The following DYTN variants were observed in gnomAD, a reference collection of about 807,000 sequenced individuals.
DYTN encodes the protein dystrotelin.
A neutral mutation model predicts 69.6 loss-of-function variants in DYTN; 75 were observed. The ratio of observed to expected loss-of-function variants is 1.08; its 90% CI spans 0.89 to 1.31. DYTN has a LOEUF of 1.31. DYTN is among the 50% of genes most tolerant of loss of function. DYTN has a pLI of 0.00. For synonymous variants in DYTN, 252 were observed against 249.1 expected (o/e 1.01, Z -0.11); for missense variants, 726 against 688.4 (o/e 1.05, Z -0.61).
At chr2:206,659,898 A>C (rs2105887198) in intron 11 of DYTN, among the ~76,000 whole-genome samples, 1 of 152,302 alleles carries the variant, frequency 6.6e-6, no homozygotes, top group South Asian at 2.1e-4. Flanking sequence ...AATAAGACTA[A>C]TATAAAAGAA....
chr2:206,684,498 T>A (rs756797989), intron 9 of DYTN, among the ~76,000 whole-genome samples: 15 of 152,014 alleles, frequency 9.9e-5, no homozygotes, highest in Non-Finnish European at 1.8e-4. Context: ...AGAGATGGGG[T>A]CTCCCTATGT....
chr2:206,701,535 C>T (rs555083712), intron 5 of DYTN, among the ~76,000 whole-genome samples: 1 of 152,216 alleles, frequency 6.6e-6, no homozygotes, highest in South Asian at 2.1e-4. Flanking sequence ...ATAAGCCAGG[C>T]ACAGAAAGAC....
chr2:206,706,777 G>C (rs74831804), intron 3 of DYTN, among the ~76,000 whole-genome samples: 1 of 151,620 alleles, frequency 6.6e-6, no homozygotes, highest in Non-Finnish European at 1.5e-5. Context: ...AAAAACACAC[G>C]CACCCCTACC....
chr2:206,707,980 C>T (rs1256308818), intron 2 of DYTN, among the ~76,000 whole-genome samples: 1 of 152,160 alleles, frequency 6.6e-6, no homozygotes, highest in Non-Finnish European at 1.5e-5. Context: ...AAAGCAATTG[C>T]CGTAGTTAAA....
chr2:206,674,413 A>G (rs1699660570), intron 9 of DYTN, among the ~76,000 whole-genome samples: 1 of 152,182 alleles, frequency 6.6e-6, no homozygotes, highest in African/African-American at 2.4e-5. Context: ...AAGCATGAAG[A>G]GACTATTAAG....
intron 9 of DYTN, among the ~76,000 whole-genome samples, chr2:206,680,653 C>T (rs1699741835): frequency 6.6e-6 from 1 of 152,096 alleles, no homozygotes; most frequent in African/African-American, 2.4e-5. Flanking sequence ...TACGAAGGGG[C>T]ACTTAGGTTG....
At position 206,695,007 on chromosome 2, in the gene DYTN, A is replaced by G. The variant is rs1237500861; in HGVS notation, c.720-130T>C. 5.1e-6 allele frequency: 3 copies of G among 591,094 alleles called. No individual in the cohort carries two copies. The African/African-American group carries it at 5.6e-5, about 11-fold the overall frequency. 36.6% of individuals were successfully genotyped at this position (591,094 alleles called of 1,614,324 possible). On this transcript the variant is annotated intron_variant, in intron 7 of 11. Transcript: ENST00000452335. ...TGTCTGAGCTGCCAAATCAGTGTAA[A>G]GTTTCTCCCAAACTATAGGATTATT...
At chr2:206,678,696 G>A (rs1316803451) in intron 9 of DYTN, among the ~76,000 whole-genome samples, 2 of 152,124 alleles carry the variant, frequency 1.3e-5, no homozygotes, top group Admixed American at 1.3e-4. Context: ...ATTTTACAGT[G>A]TAGTCTAAGC....
chr2:206,693,807 T>C (rs1280376303), intron 8 of DYTN, among the ~76,000 whole-genome samples: 1 of 152,230 alleles, frequency 6.6e-6, no homozygotes, highest in East Asian at 1.9e-4. Flanking sequence ...AGATGTCTCA[T>C]TTCAAGGGTT....
chr2:206,666,729 A>G (rs1356494929), intron 9 of DYTN, among the ~76,000 whole-genome samples: 1 of 130,574 alleles, frequency 7.7e-6, no homozygotes, highest in Non-Finnish European at 1.6e-5. Context: ...GCACTCACTC[A>G]TGGGTGTGCG....
At chr2:206,683,741 A>C (rs912103299) in intron 9 of DYTN, among the ~76,000 whole-genome samples, 9 of 152,042 alleles carry the variant, frequency 5.9e-5, no homozygotes, top group African/African-American at 1.9e-4. Flanking sequence ...CAAAAACCGC[A>C]ATTACTTTTG....
chr2:206,715,954 G>A (rs962524420), intron 1 of DYTN, among the ~76,000 whole-genome samples: 8 of 152,138 alleles, frequency 5.3e-5, no homozygotes, highest in African/African-American at 1.7e-4. Context: ...TGGGTGTGGT[G>A]GTGCGTGCCT....
chr2:206,688,123 T>C (rs189726275), intron 9 of DYTN, among the ~76,000 whole-genome samples: 1 of 152,348 alleles, frequency 6.6e-6, no homozygotes, highest in Admixed American at 6.5e-5. Flanking sequence ...CTGAACCCAT[T>C]GTTCCTAGAG....
In DYTN at chr2:206,677,852, G is replaced by A. The variant is rs150550590; in HGVS notation, c.981-11823C>T. On this transcript the variant is annotated intron_variant, in intron 9 of 11. Transcript: ENST00000452335. Reference sequence around the variant, plus strand: ...CTAAAAATACAAAAATTAGCTGGGCGTGATGCGGGCACCTGGAATCCCAGC... The same window carrying A: ...CTAAAAATACAAAAATTAGCTGGGCATGATGCGGGCACCTGGAATCCCAGC... Among the ~76,000 whole-genome samples the A allele has an allele frequency of 2.3e-3, 347 of 152,152 alleles. 3 individuals are homozygous for A. Among genetic ancestry groups the A allele is most frequent in the African/African-American group, 7.9e-3 (327 of 41,514 alleles).
At chr2:206,681,920 T>A (rs1699754465) in intron 9 of DYTN, among the ~76,000 whole-genome samples, 1 of 152,224 alleles carries the variant, frequency 6.6e-6, no homozygotes, top group Non-Finnish European at 1.5e-5. Context: ...TCCCTGCTTT[T>A]CAATAGTTTG....
intron 11 of DYTN, among the ~76,000 whole-genome samples, chr2:206,656,239 C>A (rs1245287333): frequency 6.6e-6 from 1 of 152,032 alleles, no homozygotes; most frequent in South Asian, 2.1e-4. Flanking sequence ...ATAATGACTT[C>A]TTTGTCACTT....
Position 206,662,904 on chromosome 2 carries a change from T to A in DYTN, c.1632A>T (p.Ser544=), listed in dbSNP as rs754763320. 3.7e-6 allele frequency: 6 copies of A among 1,611,106 alleles called. No individual in the cohort carries two copies. In the South Asian group the frequency reaches 6.6e-5, roughly 18 times the overall value. Residue 544 remains serine, a splice_region_variant and synonymous_variant, in exon 11 of 12, where the codon TCA becomes TCT. Transcript: ENST00000452335. ...LMDAFNLETP[S]GPESSVNMDL... ...GTCTATGGATTGTGAAAACCTTACCTGATGGCGTTTCTAGATTGAAGGCAT... is the reference window on the plus strand; with the variant it reads ...GTCTATGGATTGTGAAAACCTTACCAGATGGCGTTTCTAGATTGAAGGCAT...
chr2:206,706,805 T>C (rs1327836958), intron 3 of DYTN, among the ~76,000 whole-genome samples: 1 of 151,926 alleles, frequency 6.6e-6, no homozygotes, highest in Non-Finnish European at 1.5e-5. Flanking sequence ...AGCAGAACTA[T>C]TGACTTCAGA....
chr2:206,716,480 C>T (rs958256344), intron 1 of DYTN, among the ~76,000 whole-genome samples: 8 of 152,134 alleles, frequency 5.3e-5, no homozygotes, highest in African/African-American at 1.9e-4. Context: ...GTTTAAAAAC[C>T]GTCTACATGT....
Sources: allele counts gnomAD v4.1 joint callset (sites outside exome capture counted in the v4.1 genomes callset), GRCh38; gene constraint gnomAD v4.1.1; transcripts MANE v1.5; gene names NCBI Gene and HGNC (gene_info 2026-07-23, HGNC 2026-07-21).